The following PTK2 variants were observed in gnomAD, a reference collection of about 807,000 sequenced individuals.
PTK2 encodes the protein protein tyrosine kinase 2, also known as focal adhesion kinase 1.
In PTK2, 45 loss-of-function variants were observed where a neutral mutation model predicts 150.1. The observed-to-expected ratio is 0.30, with a 90% CI of 0.24 to 0.38. PTK2 has a LOEUF of 0.38. PTK2 is among the 10% of genes least tolerant of loss of function. The pLI, the probability that PTK2 is intolerant of heterozygous loss-of-function variation, is 1.00. For missense variants in PTK2, 919 were observed against 1,307.3 expected (o/e 0.70, Z 4.58); for synonymous variants, 432 against 449.2 (o/e 0.96, Z 0.48).
chr8:140,676,460 T>C (rs1347382444), intron 27 of PTK2, among the ~76,000 whole-genome samples: 2 of 151,546 alleles, frequency 1.3e-5, no homozygotes, highest in Non-Finnish European at 2.9e-5. Flanking sequence ...GATGCAGTAA[T>C]GTGTAGGCCA....
intron 7 of PTK2, among the ~76,000 whole-genome samples, chr8:140,838,324 G>C (rs1340225756): frequency 6.6e-6 from 1 of 152,130 alleles, no homozygotes; most frequent in African/African-American, 2.4e-5. Flanking sequence ...ATAGGAAAAA[G>C]AAATGCCAAC....
At chr8:140,719,123 C>T (rs2100041375) in intron 22 of PTK2, among the ~76,000 whole-genome samples, 1 of 152,054 alleles carries the variant, frequency 6.6e-6, no homozygotes. Context: ...TTGGGGTGAG[C>T]TGAGATCACG....
At chr8:140,948,668 T>C (rs746061281) in intron 1 of PTK2, 1 of 152,120 alleles carries the variant, frequency 6.6e-6, no homozygotes, top group Non-Finnish European at 1.5e-5. Flanking sequence ...TAACATACAA[T>C]ACAGTCAGCC....
At chr8:140,674,073 C>T in intron 29 of PTK2, 1 of 686,822 alleles carries the variant, frequency 1.5e-6, no homozygotes, top group South Asian at 1.4e-5. Context: ...AAATCTATTA[C>T]ACTGAGAGGA....
chr8:140,744,082 CTTT>C (rs5895647), intron 19 of PTK2, among the ~76,000 whole-genome samples: 10 of 144,968 alleles, frequency 6.9e-5, no homozygotes, highest in African/African-American at 7.6e-5. Flanking sequence ...CGGCCTATTT[CTTT>C]TTTTTTTTTT....
chr8:140,914,811 G>C (rs1021339196), intron 2 of PTK2, among the ~76,000 whole-genome samples: 1 of 151,928 alleles, frequency 6.6e-6, no homozygotes, highest in Non-Finnish European at 1.5e-5. Flanking sequence ...CGAGGCGAGT[G>C]GATCACATGA....
At chr8:140,726,440 G>A (rs1053033352) in intron 22 of PTK2, among the ~76,000 whole-genome samples, 3 of 152,108 alleles carry the variant, frequency 2.0e-5, no homozygotes, top group African/African-American at 7.2e-5. Flanking sequence ...CTGACATTAA[G>A]AAAACCACAC....
intron 7 of PTK2, among the ~76,000 whole-genome samples, chr8:140,831,722 ATTCAT>A (rs2100115510): frequency 2.0e-5 from 3 of 152,184 alleles, no homozygotes; most frequent in Admixed American, 2.0e-4. Flanking sequence ...CCATCAGTTA[ATTCAT>A]TTAACTACTG....
intron 13 of PTK2, among the ~76,000 whole-genome samples, chr8:140,790,034 A>T (rs1166422433): frequency 6.6e-6 from 1 of 151,860 alleles, no homozygotes; most frequent in Non-Finnish European, 1.5e-5. Flanking sequence ...ATCTCAATGT[A>T]TCTTGCTACT....
intron 4 of PTK2, among the ~76,000 whole-genome samples, chr8:140,878,159 A>G (rs955357978): frequency 6.6e-6 from 1 of 152,222 alleles, no homozygotes; most frequent in Non-Finnish European, 1.5e-5. Flanking sequence ...TTGGAAGTCA[A>G]ATCTTCTCTA....
chr8:140,714,382 C>T (rs547023835), intron 23 of PTK2, among the ~76,000 whole-genome samples: 1 of 151,528 alleles, frequency 6.6e-6, no homozygotes, highest in African/African-American at 2.4e-5. Flanking sequence ...GCTCTGGAGG[C>T]CGAAGCAAAG....
In PTK2 at chr8:140,832,943, C is replaced by T. The variant is rs189878362; in HGVS notation, c.594-2417G>A. 8.7e-4 allele frequency: 454 copies of T among 518,986 alleles called. 7 individuals are homozygous for T. The highest frequency in any genetic ancestry group is 5.7e-3 in the South Asian group (409 of 71,594). The allele number at this position is 518,986 out of a possible 1,614,324, so 32.1% of individuals were successfully genotyped here. A position where few individuals can be genotyped will look rare whatever the true frequency, so the allele number is the denominator to read the frequency against. ...AGACCAGGGCAGGGAATATCCTCTCCGCCACTGTGTGGCTGTCAACTGCTA... is the reference window on the plus strand; with the variant it reads ...AGACCAGGGCAGGGAATATCCTCTCTGCCACTGTGTGGCTGTCAACTGCTA... On this transcript the variant is annotated intron_variant, in intron 7 of 31. Transcript: ENST00000522684.
intron 4 of PTK2, among the ~76,000 whole-genome samples, chr8:140,871,275 A>T (rs1222000859): frequency 6.6e-6 from 1 of 152,252 alleles, no homozygotes; most frequent in Non-Finnish European, 1.5e-5. Flanking sequence ...ATGAAAATAT[A>T]TTTCAAAATC....
intron 1 of PTK2, among the ~76,000 whole-genome samples, chr8:140,946,131 T>C (rs2100177615): frequency 6.6e-6 from 1 of 152,100 alleles, no homozygotes; most frequent in South Asian, 2.1e-4. Flanking sequence ...TGAATACACT[T>C]GACTGCATGG....
chr8:140,745,530 G>A (rs1325522656), intron 18 of PTK2, among the ~76,000 whole-genome samples: 1 of 152,198 alleles, frequency 6.6e-6, no homozygotes, highest in Middle Eastern at 3.2e-3. Flanking sequence ...GGAGGAGGAA[G>A]AGATGTTCAG....
intron 23 of PTK2, among the ~76,000 whole-genome samples, chr8:140,710,785 A>C (rs769977605): frequency 3.9e-5 from 6 of 152,236 alleles, no homozygotes; most frequent in Non-Finnish European, 7.3e-5. Flanking sequence ...TGTGGATTTG[A>C]ATCTCCATCC....
intron 2 of PTK2, among the ~76,000 whole-genome samples, chr8:140,900,760 CAT>C (rs1488666942): frequency 1.3e-5 from 2 of 151,660 alleles, no homozygotes; most frequent in African/African-American, 4.8e-5. Flanking sequence ...AGAGGACACA[CAT>C]ACACAAGTTG....
At chr8:140,909,156 C>T (rs531397135) in intron 2 of PTK2, 2 of 153,910 alleles carry the variant, frequency 1.3e-5, no homozygotes, top group African/African-American at 4.8e-5. Flanking sequence ...CTGGGCAACA[C>T]AGCGAGACTC....
intron 2 of PTK2, among the ~76,000 whole-genome samples, chr8:140,907,150 G>A (rs1170730192): frequency 6.6e-6 from 1 of 152,124 alleles, no homozygotes; most frequent in Non-Finnish European, 1.5e-5. Context: ...ATTTATATTA[G>A]ACATTCCAAC....
Sources: gnomAD v4.1 joint callset for allele counts (sites outside exome capture counted in the v4.1 genomes callset) on GRCh38, gnomAD v4.1.1 for gene constraint, MANE v1.5 for transcripts, NCBI Gene and HGNC (gene_info 2026-07-23, HGNC 2026-07-21) for gene names.